LOC400499: variants seen among roughly 807,000 people sequenced by gnomAD.
chr16:11,392,015 G>A, the LOC400499 span: 1 of 408,716 alleles, frequency 2.4e-6, no homozygotes, highest in Non-Finnish European at 4.3e-6. Flanking sequence ...CCCACCAATT[G>A]CTGGAACCTT....
the LOC400499 span, among the ~76,000 whole-genome samples, chr16:11,429,360 C>T: frequency 2.0e-5 from 3 of 152,126 alleles, no homozygotes; most frequent in Non-Finnish European, 4.4e-5. Context: ...GAACTATGAG[C>T]CAACGTCTTT....
At chr16:11,418,974 T>C in the LOC400499 span, among the ~76,000 whole-genome samples, 11 of 152,206 alleles carry the variant, frequency 7.2e-5, no homozygotes, top group Non-Finnish European at 1.3e-4. Context: ...GAGACCATCC[T>C]GGCCAACAAG....
chr16:11,438,510 C>A, the LOC400499 span, among the ~76,000 whole-genome samples: 3 of 150,774 alleles, frequency 2.0e-5, no homozygotes, highest in African/African-American at 7.4e-5. Flanking sequence ...TTGGCTCATG[C>A]CTGTAATCCC....
the LOC400499 span, among the ~76,000 whole-genome samples, chr16:11,455,313 A>G: frequency 1.3e-5 from 2 of 152,220 alleles, no homozygotes; most frequent in Admixed American, 1.3e-4. Context: ...TCTAGTAAGA[A>G]ACCTATGGAG....
At chr16:11,450,670 C>G in the LOC400499 span, 1 of 1,536,194 alleles carries the variant, frequency 6.5e-7, no homozygotes, top group African/African-American at 1.4e-5. Context: ...GGGGCCCTGA[C>G]TCCTGCAGCC....
At chr16:11,449,992 T>C in the LOC400499 span, among the ~76,000 whole-genome samples, 1 of 152,220 alleles carries the variant, frequency 6.6e-6, no homozygotes. Context: ...CATCCTCTGT[T>C]ACACAGAGGC....
At chr16:11,393,584 G>A in the LOC400499 span, 168 of 1,232,216 alleles carry the variant, frequency 1.4e-4, no homozygotes, top group African/African-American at 2.5e-3. Flanking sequence ...GCAGAGGCCT[G>A]AGTGGAGCCT....
chr16:11,436,280 C>T, the LOC400499 span, among the ~76,000 whole-genome samples: 1 of 152,114 alleles, frequency 6.6e-6, no homozygotes, highest in Non-Finnish European at 1.5e-5. Context: ...AAAAGGAGGC[C>T]CCAGAGAGTG....
chr16:11,417,980 A>C, the LOC400499 span: 1 of 397,020 alleles, frequency 2.5e-6, no homozygotes, highest in South Asian at 1.4e-4. Flanking sequence ...ACCCTCTTGA[A>C]GGAGCAGGTT....
At chr16:11,415,502 C>G in the LOC400499 span, among the ~76,000 whole-genome samples, 2 of 152,216 alleles carry the variant, frequency 1.3e-5, no homozygotes. Flanking sequence ...GGGTAACACA[C>G]GGGAGAGGAC....
At chr16:11,455,902 G>C in the LOC400499 span, among the ~76,000 whole-genome samples, 2 of 151,910 alleles carry the variant, frequency 1.3e-5, no homozygotes, top group Non-Finnish European at 2.9e-5. Context: ...GTCTACACAA[G>C]AGCAGAGAGC....
At chr16:11,457,048 T>A in the LOC400499 span, 4 of 1,511,190 alleles carry the variant, frequency 2.6e-6, no homozygotes, top group Admixed American at 2.0e-5. Context: ...AACTGGAGAA[T>A]GCCCACCCCC....
the LOC400499 span, among the ~76,000 whole-genome samples, chr16:11,457,522 G>A: frequency 2.0e-5 from 3 of 150,648 alleles, no homozygotes; most frequent in African/African-American, 7.4e-5. Flanking sequence ...GAATTCAGGA[G>A]GCAGAGCTTG....
the LOC400499 span, among the ~76,000 whole-genome samples, chr16:11,460,796 G>T: frequency 6.6e-6 from 1 of 152,242 alleles, no homozygotes; most frequent in South Asian, 2.1e-4. Context: ...CTCCTCAACA[G>T]ACACACTTTT....
the LOC400499 span, among the ~76,000 whole-genome samples, chr16:11,490,543 T>A: frequency 6.6e-6 from 1 of 151,136 alleles, no homozygotes; most frequent in East Asian, 2.0e-4. Flanking sequence ...ACTAAAAGAA[T>A]ACAAAAAATT....
chr16:11,373,658 C>T, the LOC400499 span, among the ~76,000 whole-genome samples: 144 of 151,812 alleles, frequency 9.5e-4, 1 homozygote, highest in African/African-American at 2.1e-3. Flanking sequence ...CTTGCTCTGT[C>T]GCCCAGGCTG....
chr16:11,376,353 CTTTT>C, the LOC400499 span, among the ~76,000 whole-genome samples: 1 of 116,780 alleles, frequency 8.6e-6, no homozygotes, highest in Admixed American at 8.2e-5. Context: ...TTGAGGTTTT[CTTTT>C]TTTTTTTTCC....
the LOC400499 span, chr16:11,440,817 C>A: frequency 5.0e-6 from 2 of 399,060 alleles, no homozygotes; most frequent in Non-Finnish European, 8.8e-6. Flanking sequence ...TGCCCCCATC[C>A]AAGCTCAGGG....
At chr16:11,411,762 CCT>C in the LOC400499 span, among the ~76,000 whole-genome samples, 6 of 152,228 alleles carry the variant, frequency 3.9e-5, no homozygotes, top group African/African-American at 9.6e-5. Flanking sequence ...ATTTTAACCC[CCT>C]GACTCCCTCC....
Sources: allele counts gnomAD v4.1 joint callset (sites outside exome capture counted in the v4.1 genomes callset), GRCh38; gene constraint gnomAD v4.1.1; transcripts MANE v1.5.